The following RANBP2 variants were observed in gnomAD, a reference collection of about 807,000 sequenced individuals.
RANBP2 encodes RAN binding protein 2, also known as E3 SUMO-protein ligase RanBP2.
RANBP2 carries 57 observed loss-of-function variants against 303.6 expected under a neutral mutation model. The ratio of observed to expected loss-of-function variants is 0.19; its 90% confidence interval spans 0.15 to 0.23. RANBP2 has a LOEUF of 0.23. Ranked by LOEUF, RANBP2 falls within the 10% of genes least tolerant of loss-of-function variation. The probability of loss-of-function intolerance (pLI) is 1.00; values close to 1 mark genes in which losing one functional copy is unlikely to be tolerated. For missense variants in RANBP2, 3,138 were observed against 3,780.8 expected, an observed-to-expected ratio of 0.83 and a Z score of 4.46; for synonymous variants, 1,167 against 1,301.5, an observed-to-expected ratio of 0.90 and a Z score of 2.23.
At chr2:109,130,061 C>T in the RANBP2 span, 2 of 1,368,340 alleles carry the variant, frequency 1.5e-6, no homozygotes, top group South Asian at 3.4e-5. Flanking sequence ...GCGGGCAGCA[C>T]CGCCGGCAGT....
chr2:109,493,180 AAC>A, the RANBP2 span, among the ~76,000 whole-genome samples: 6 of 151,626 alleles, frequency 4.0e-5, no homozygotes, highest in African/African-American at 9.7e-5. Context: ...ACGCCATGCA[AAC>A]ACACACACCA....
intron 6 of RANBP2, among the ~76,000 whole-genome samples, chr2:108,737,593 G>A (rs187525515): frequency 1.1e-3 from 161 of 148,338 alleles, no homozygotes; most frequent in African/African-American, 3.9e-3. Context: ...GCTCTCGCCA[G>A]GCTGGCATGC....
At chr2:109,251,476 T>C in the RANBP2 span, 8 of 736,936 alleles carry the variant, frequency 1.1e-5, 1 homozygote, top group African/African-American at 6.9e-5. Flanking sequence ...GAAGTTGTCA[T>C]TGAAATTAAA....
At chr2:109,411,821 C>T in the RANBP2 span, among the ~76,000 whole-genome samples, 3 of 152,234 alleles carry the variant, frequency 2.0e-5, no homozygotes, top group African/African-American at 7.2e-5. Context: ...CCTCTCTCTG[C>T]TCTTCATTCC....
chr2:109,438,378 G>C, the RANBP2 span, among the ~76,000 whole-genome samples: 105 of 152,158 alleles, frequency 6.9e-4, no homozygotes, highest in African/African-American at 2.4e-3. Flanking sequence ...GGCACCATCA[G>C]TGGGTGCAGG....
chr2:109,227,702 A>T, the RANBP2 span, among the ~76,000 whole-genome samples: 1 of 152,150 alleles, frequency 6.6e-6, no homozygotes, highest in Non-Finnish European at 1.5e-5. Context: ...AGGTCACAGG[A>T]TCCACTTCTC....
intron 23 of RANBP2, 94 bp from the exon 24 acceptor site, chr2:108,775,638 C>A: frequency 7.5e-7 from 1 of 1,340,160 alleles, no homozygotes; most frequent in Non-Finnish European, 1.1e-6. Flanking sequence ...TCTCCAGAAG[C>A]CCAAGTTCTC....
chr2:108,906,581 C>T, the RANBP2 span, among the ~76,000 whole-genome samples: 1 of 152,192 alleles, frequency 6.6e-6, no homozygotes, highest in African/African-American at 2.4e-5. Context: ...ACCACGGGTG[C>T]GTCTTAGGCT....
At chr2:109,660,137 GTGTCACAAATGAAAAA>G in the RANBP2 span, among the ~76,000 whole-genome samples, 16 of 152,188 alleles carry the variant, frequency 1.1e-4, no homozygotes, top group African/African-American at 3.9e-4. Context: ...CCTTTGTACT[GTGTCACAAATGAAAAA>G]TGGAACGTTC....
At chr2:109,367,462 A>G in the RANBP2 span, among the ~76,000 whole-genome samples, 1 of 151,790 alleles carries the variant, frequency 6.6e-6, no homozygotes, top group African/African-American at 2.4e-5. Flanking sequence ...TTGTATTTTT[A>G]ATAGAAACGG....
At chr2:109,737,789 G>A in the RANBP2 span, among the ~76,000 whole-genome samples, 9 of 152,122 alleles carry the variant, frequency 5.9e-5, no homozygotes, top group South Asian at 1.9e-3. Context: ...GTGAAATGAA[G>A]TCTCATTGCA....
At chr2:109,132,348 GT>G in the RANBP2 span, among the ~76,000 whole-genome samples, 1 of 152,292 alleles carries the variant, frequency 6.6e-6, no homozygotes, top group East Asian at 1.9e-4. Context: ...TTAAAAAAAA[GT>G]TTTAATTTCT....
the RANBP2 span, among the ~76,000 whole-genome samples, chr2:108,956,322 G>A: frequency 6.6e-6 from 1 of 152,228 alleles, no homozygotes; most frequent in Non-Finnish European, 1.5e-5. Context: ...AAGGGCATGA[G>A]AGTGTTATGA....
At chr2:108,906,557 C>T in the RANBP2 span, among the ~76,000 whole-genome samples, 1 of 152,216 alleles carries the variant, frequency 6.6e-6, no homozygotes, top group Non-Finnish European at 1.5e-5. Flanking sequence ...CCTATTCAAA[C>T]ATTTTTGGGG....
chr2:109,612,888 A>C, the RANBP2 span, among the ~76,000 whole-genome samples: 38 of 152,366 alleles, frequency 2.5e-4, no homozygotes, highest in East Asian at 6.6e-3. Flanking sequence ...CGGATCCTCT[A>C]ATCTCTCAGC....
the RANBP2 span, among the ~76,000 whole-genome samples, chr2:109,446,811 G>T: frequency 4.1e-4 from 63 of 151,982 alleles, no homozygotes; most frequent in Middle Eastern, 6.8e-3. Flanking sequence ...TGCGGCAGGC[G>T]AGGGGAAGCC....
the RANBP2 span, among the ~76,000 whole-genome samples, chr2:109,288,730 A>C: frequency 6.6e-6 from 1 of 152,198 alleles, no homozygotes; most frequent in Non-Finnish European, 1.5e-5. Flanking sequence ...TCTTAGGAAC[A>C]TGGGTAAAAG....
the RANBP2 span, among the ~76,000 whole-genome samples, chr2:109,095,893 A>G: frequency 6.6e-6 from 1 of 152,212 alleles, no homozygotes; most frequent in Non-Finnish European, 1.5e-5. Flanking sequence ...AAGATAATGA[A>G]AGGTTTTTGT....
At chr2:109,164,978 CTCT>C in the RANBP2 span, among the ~76,000 whole-genome samples, 1 of 152,156 alleles carries the variant, frequency 6.6e-6, no homozygotes, top group Non-Finnish European at 1.5e-5. Flanking sequence ...TTTTTAAAGC[CTCT>C]TCTTAGTCAT....
Sources: gnomAD v4.1 joint callset for allele counts (sites outside exome capture counted in the v4.1 genomes callset) on GRCh38, gnomAD v4.1.1 for gene constraint, MANE v1.5 for transcripts, NCBI Gene and HGNC (gene_info 2026-07-23, HGNC 2026-07-21) for gene names.